The following UBE2E2 variants were observed in gnomAD, a reference collection of about 807,000 sequenced individuals.
UBE2E2 encodes the protein ubiquitin-conjugating enzyme E2 E2.
In UBE2E2, 6 loss-of-function variants were observed where a neutral mutation model predicts 24.7. The ratio of observed to expected loss-of-function variants is 0.24; its 90% CI spans 0.13 to 0.48. The LOEUF (loss-of-function observed/expected upper bound fraction) is 0.48, where lower values mean the gene tolerates loss of function less well. UBE2E2 is among the 20% of genes least tolerant of loss of function. UBE2E2 has a pLI of 0.99. For synonymous variants in UBE2E2, 104 were observed against 83.6 expected (o/e 1.24, Z -1.33); for missense variants, 169 against 245.0 (o/e 0.69, Z 2.07).
At chr3:23,288,389 C>A (rs1698675811) in intron 3 of UBE2E2, among the ~76,000 whole-genome samples, 1 of 152,156 alleles carries the variant, frequency 6.6e-6, no homozygotes, top group African/African-American at 2.4e-5. Flanking sequence ...GTGTATTCTG[C>A]AGCCGTGGGA....
chr3:23,509,628 G>A (rs543782465), intron 4 of UBE2E2, among the ~76,000 whole-genome samples: 1 of 151,962 alleles, frequency 6.6e-6, no homozygotes, highest in African/African-American at 2.4e-5. Context: ...TGCACAACAT[G>A]TAGGTTTGTT....
chr3:23,439,432 T>C (rs900087341), intron 3 of UBE2E2, among the ~76,000 whole-genome samples: 2 of 152,206 alleles, frequency 1.3e-5, no homozygotes, highest in African/African-American at 4.8e-5. Context: ...AACCCTAGAA[T>C]TGTTTTAGAA....
At chr3:23,223,451 C>T (rs573716926) in intron 3 of UBE2E2, among the ~76,000 whole-genome samples, 6 of 152,112 alleles carry the variant, frequency 3.9e-5, no homozygotes, top group African/African-American at 1.4e-4. Context: ...CCTTGGCCTC[C>T]CAAAGTGCTA....
chr3:23,455,531 A>G (rs946563457), intron 3 of UBE2E2, among the ~76,000 whole-genome samples: 5 of 152,098 alleles, frequency 3.3e-5, no homozygotes, highest in African/African-American at 1.2e-4. Context: ...CAGCCTGGTC[A>G]ACATAATGAG....
chr3:23,524,709 T>C (rs979215217), intron 4 of UBE2E2, among the ~76,000 whole-genome samples: 1 of 152,228 alleles, frequency 6.6e-6, no homozygotes, highest in Non-Finnish European at 1.5e-5. Context: ...TGTTCTTTTA[T>C]GCTTTAGTCA....
intron 3 of UBE2E2, among the ~76,000 whole-genome samples, chr3:23,492,125 A>G (rs997473995): frequency 7.2e-5 from 11 of 152,188 alleles, no homozygotes; most frequent in Non-Finnish European, 4.4e-5. Flanking sequence ...GACAAACAAC[A>G]TGGAGTAGAA....
At chr3:23,306,625 AT>A (rs1275586750) in intron 3 of UBE2E2, among the ~76,000 whole-genome samples, 9 of 152,124 alleles carry the variant, frequency 5.9e-5, no homozygotes, top group African/African-American at 2.2e-4. Flanking sequence ...AGTGGCACTG[AT>A]TGATGATTTA....
intron 3 of UBE2E2, among the ~76,000 whole-genome samples, chr3:23,342,957 C>G (rs1302634247): frequency 6.6e-6 from 1 of 151,938 alleles, no homozygotes; most frequent in Non-Finnish European, 1.5e-5. Flanking sequence ...TGGGGAACTT[C>G]TGCTGTTATT....
intron 3 of UBE2E2, among the ~76,000 whole-genome samples, chr3:23,467,206 AACTTCTGACTT>A (rs1235804312): frequency 2.0e-5 from 3 of 152,216 alleles, no homozygotes; most frequent in Non-Finnish European, 4.4e-5. Context: ...CTGTGTTTAT[AACTTCTGACTT>A]TGACTGCATG....
At chr3:23,374,857 C>T (rs1696482112) in intron 3 of UBE2E2, among the ~76,000 whole-genome samples, 2 of 152,272 alleles carry the variant, frequency 1.3e-5, no homozygotes, top group South Asian at 4.1e-4. Context: ...TAGTCTCAAA[C>T]TCCTGATCTC....
intron 5 of UBE2E2, among the ~76,000 whole-genome samples, chr3:23,539,855 T>G (rs571281454): frequency 6.6e-6 from 1 of 152,212 alleles, no homozygotes; most frequent in South Asian, 2.1e-4. Context: ...ACGTAATAAT[T>G]TTAAGTACAT....
At chr3:23,208,973 C>T (rs1696236524) in intron 2 of UBE2E2, 98 bp downstream of exon 2, 1 of 1,260,686 alleles carries the variant, frequency 7.9e-7, no homozygotes, top group Non-Finnish European at 1.1e-6. Flanking sequence ...GGGATGTCGG[C>T]CGTGAACTTC....
intron 5 of UBE2E2, among the ~76,000 whole-genome samples, chr3:23,556,748 C>G (rs1052290341): frequency 1.3e-5 from 2 of 152,086 alleles, no homozygotes; most frequent in Admixed American, 1.3e-4. Flanking sequence ...AGCATTTCTT[C>G]CCGTATACCA....
At chr3:23,492,854 T>C (rs115966372) in intron 3 of UBE2E2, among the ~76,000 whole-genome samples, 4,396 of 152,204 alleles carry the variant, frequency 0.029, 107 homozygotes, top group East Asian at 0.13. Context: ...ATTTTAAATA[T>C]CCTAGTAGCC....
chr3:23,487,582 G>A (rs1036816055), intron 3 of UBE2E2, among the ~76,000 whole-genome samples: 5 of 152,214 alleles, frequency 3.3e-5, no homozygotes, highest in Non-Finnish European at 7.3e-5. Context: ...GCCAGGCACT[G>A]TTCTAGGCAC....
At chr3:23,430,948 A>G (rs1698046483) in intron 3 of UBE2E2, among the ~76,000 whole-genome samples, 1 of 152,160 alleles carries the variant, frequency 6.6e-6, no homozygotes, top group Admixed American at 6.5e-5. Flanking sequence ...AGTTGAGTAT[A>G]GATTTGGCCA....
At chr3:23,389,193 CACTT>C (rs1696880253) in intron 3 of UBE2E2, among the ~76,000 whole-genome samples, 1 of 152,086 alleles carries the variant, frequency 6.6e-6, no homozygotes, top group Non-Finnish European at 1.5e-5. Context: ...AAAAGAGTAT[CACTT>C]ACTAGGGAGC....
rs1487147844 is a variant in UBE2E2 at position 23,589,819 on chromosome 3, G to T, written c.594G>T (p.Arg198=). 18 of 1,614,044 alleles carry T rather than the reference G, an allele frequency of 1.1e-5. No homozygotes were observed. The highest frequency in any genetic ancestry group is 1.4e-5 in the Non-Finnish European group (17 of 1,179,996). ...GGATGGCCAGACAGTGGACCAAGCGGTACGCCACATAGGGGCCTGCTGCCT... is the reference window on the plus strand; with the variant it reads ...GGATGGCCAGACAGTGGACCAAGCGTTACGCCACATAGGGGCCTGCTGCCT... ...HDRMARQWTK[R]YAT Residue 198 remains arginine, a synonymous_variant, in exon 6 of 6, where the codon CGG becomes CGT. Coordinates refer to ENST00000396703, the MANE Select transcript of UBE2E2 (RefSeq NM_152653.4). This position sits in a 1 kb window ranked among gnomAD's most constrained non-coding sequence, Gnocchi z 4.1.
chr3:23,379,704 G>C (rs769763189), intron 3 of UBE2E2, among the ~76,000 whole-genome samples: 6 of 152,030 alleles, frequency 3.9e-5, no homozygotes, highest in Non-Finnish European at 1.5e-5. Flanking sequence ...TTTTCTCTCG[G>C]ACATGGTACT....
Sources: allele counts gnomAD v4.1 joint callset (sites outside exome capture counted in the v4.1 genomes callset), GRCh38; gene constraint gnomAD v4.1.1; non-coding constraint Gnocchi (gnomAD v3.1); transcripts MANE v1.5; gene names NCBI Gene and HGNC (gene_info 2026-07-23, HGNC 2026-07-21).